The following PLPPR3 variants were observed in gnomAD, a reference collection of about 807,000 sequenced individuals.
PLPPR3 encodes phospholipid phosphatase-related protein type 3.
Under a neutral mutation model 27.3 loss-of-function variants are expected in PLPPR3, and 14 were observed. That is an observed-to-expected ratio of 0.51 (90% CI 0.34 to 0.80). The LOEUF is 0.80. PLPPR3 is among the 30% of genes least tolerant of loss of function. The pLI, the probability that PLPPR3 is intolerant of heterozygous loss-of-function variation, is 0.01. For missense variants in PLPPR3, 1,287 were observed against 1,056.9 expected, an observed-to-expected ratio of 1.22 and a Z score of -3.02; for synonymous variants, 671 against 508.0, an observed-to-expected ratio of 1.32 and a Z score of -4.32.
At position 813,119 on chromosome 19, in the gene PLPPR3, C is replaced by T. The variant is rs2034966888; in HGVS notation, c.1608G>A (p.Leu536=). 3.3e-6 allele frequency: 5 copies of T among 1,505,318 alleles called. No individual in the cohort carries two copies. Among genetic ancestry groups the T allele is most frequent in the Non-Finnish European group, 4.4e-6 (5 of 1,138,170 alleles). 93.2% of individuals were successfully genotyped at this position (1,505,318 alleles called of 1,614,324 possible). A position where few individuals can be genotyped will look rare whatever the true frequency, so the allele number is the denominator to read the frequency against. ...CCTTGGACATGGCGATGACCTGCAGCAGCCGCGGAGGGTTGGCCACTGCCG... is the reference window on the plus strand; with the variant it reads ...CCTTGGACATGGCGATGACCTGCAGTAGCCGCGGAGGGTTGGCCACTGCCG... ...SGAAVANPPR[L]LQVIAMSKAP... is the part of the protein sequence containing the mutation. Residue 536 remains leucine (L), a synonymous_variant, in exon 8 of 8, where the codon CTG becomes CTA. Transcript: ENST00000520876. The surrounding 1 kb of genome is among the most constrained non-coding windows in gnomAD (Gnocchi z 4.1).
In PLPPR3 at chr19:814,961, G is replaced by A. The variant is rs777402250; in HGVS notation, c.524C>T (p.Thr175Met). 14 of 1,612,412 alleles carry A rather than the reference G, an allele frequency of 8.7e-6. No individual in the cohort carries two copies. The East Asian group carries it at 1.1e-4, about 13-fold the overall frequency. Reference protein sequence around the residue: ...VCKPNYTLLGTSCEVNPYITQ... With the variant: ...VCKPNYTLLGMSCEVNPYITQ... ...GATGTAGGGGTTGACCTCGCAGGAC[G>A]TGCCCAGGAGAGTGTAGTTGGGCTT... The change falls in exon 5 of 8, where the codon ACG (threonine) becomes ATG (methionine). Residue 175 changes from threonine (T) to methionine (M), a missense_variant. Thr to Met is a moderately conservative substitution (Grantham distance 81). Coordinates refer to ENST00000520876, the MANE Select transcript of PLPPR3 (RefSeq NM_001270366.2).
In PLPPR3 at chr19:813,841, G is replaced by A. The variant is rs351993; in HGVS notation, c.886C>T (p.Pro296Ser). The change falls in exon 8 of 8, where the codon CCG becomes TCG. Residue 296 changes from proline (P) to serine (S), a missense_variant. Transcript: ENST00000520876. The surrounding 1 kb of genome is among the most constrained non-coding windows in gnomAD (Gnocchi z 4.1). ...CGCAGCGCGTCCTTGGCGGGGGCCG[G>A]GGCCGCGGGCTTCTCTGCAGGTGGG... ...QAPPAEKPAA[P>S]APAKDALRAL... is the part of the protein sequence containing the mutation. The A allele has an allele frequency of 0.017, 25,040 of 1,470,800 alleles. 3,522 individuals are homozygous for A. The African/African-American group carries it at 0.31, about 18-fold the overall frequency. 91.1% of individuals were successfully genotyped at this position (1,470,800 alleles called of 1,614,324 possible).
At chr19:818,734 C>T (rs2035101172) in intron 2 of PLPPR3, among the ~76,000 whole-genome samples, 1 of 151,966 alleles carries the variant, frequency 6.6e-6, no homozygotes, top group South Asian at 2.1e-4. Context: ...GGGGTTTCAC[C>T]GTGTTAGCCA....
chr19:819,079 C>T (rs1236366373), intron 2 of PLPPR3, among the ~76,000 whole-genome samples: 1 of 108,882 alleles, frequency 9.2e-6, no homozygotes, highest in East Asian at 2.4e-4. Flanking sequence ...CGTCCTCAAG[C>T]GATTCTCCCA....
rs766248907 is a variant in PLPPR3, at chr19:813,029, G to C, written c.1698C>G (p.Ser566=). The change falls in exon 8 of 8, where the codon TCC becomes TCG. Residue 566 remains serine (S), a synonymous_variant. Coordinates refer to ENST00000520876, the MANE Select transcript of PLPPR3 (RefSeq NM_001270366.2). The surrounding 1 kb of genome is among the most constrained non-coding windows in gnomAD (Gnocchi z 4.1). ...TASSSSASSD[S]SQYRSPSDRD... ...GGTCCGACGGCGACCGGTACTGCGA[G>C]GAGTCGGAGCTGGCGCTGGACGACG... The C allele has an allele frequency of 5.3e-6, 8 of 1,519,782 alleles. No individual in the cohort carries two copies. The highest frequency in any genetic ancestry group is 7.0e-6 in the Non-Finnish European group (8 of 1,141,894). 94.1% of individuals were successfully genotyped at this position (1,519,782 alleles called of 1,614,324 possible). A position where few individuals can be genotyped will look rare whatever the true frequency, so the allele number is the denominator to read the frequency against.
rs1399485806 is a variant in PLPPR3, at chr19:821,945, G to C, written c.-57C>G. The C allele has an allele frequency of 6.2e-6, 1 of 160,634 alleles. No individual in the cohort carries two copies. The highest frequency in any genetic ancestry group is 1.3e-5 in the Non-Finnish European group (1 of 74,100). The allele number at this position is 160,634 out of a possible 1,614,324, so 10.0% of individuals were successfully genotyped here. On this transcript the variant is annotated 5_prime_UTR_variant, in exon 1 of 8. Transcript: ENST00000520876. ...GCGGCCGGCGCCCAGCACAAAGCGC[G>C]TCTCCTCCGTGGGGCGGGGCCGGGA...
chr19:816,015 G>A (rs2035047076), intron 2 of PLPPR3, among the ~76,000 whole-genome samples, 164 bp from the exon 3 acceptor site: 1 of 151,632 alleles, frequency 6.6e-6, no homozygotes, highest in African/African-American at 2.4e-5. Flanking sequence ...ATCCACAGAT[G>A]CTCCATCTGT....
Position 812,880 on chromosome 19 carries a change from T to G in PLPPR3, c.1847A>C (p.Asp616Ala), listed in dbSNP as rs1471952825. The G allele has an allele frequency of 5.8e-6, 7 of 1,211,844 alleles. No individual in the cohort carries two copies. Among genetic ancestry groups the G allele is most frequent in the Non-Finnish European group, 7.2e-6 (7 of 969,774 alleles). The allele number at this position is 1,211,844 out of a possible 1,614,324, so 75.1% of individuals were successfully genotyped here. The change falls in exon 8 of 8, where the codon GAC (aspartate) becomes GCC (alanine). Residue 616 changes from aspartate (D) to alanine (A), a missense_variant. Physicochemically the swap from Asp to Ala is moderately radical, Grantham distance 126. Transcript: ENST00000520876. ...CAGGTCCCCCAGCTCGTAGCCGCCG[T>G]CGGCCTCCGCCTTGGCCCCGCCGCC... ...AAGGGAKAEADGGYELGDLAR... is the reference protein window; with the variant it reads ...AAGGGAKAEAAGGYELGDLAR...
In PLPPR3 at chr19:812,812, G is replaced by A; in HGVS notation, c.1915C>T (p.Pro639Ser). 1 of 1,098,822 alleles carries A rather than the reference G, an allele frequency of 9.1e-7. No homozygotes were observed. The highest frequency in any genetic ancestry group is 3.8e-5 in the South Asian group (1 of 26,342). 68.1% of individuals were successfully genotyped at this position (1,098,822 alleles called of 1,614,324 possible). A position where few individuals can be genotyped will look rare whatever the true frequency, so the allele number is the denominator to read the frequency against. The change falls in exon 8 of 8, where the codon CCC becomes TCC. Residue 639 changes from proline to serine, a missense_variant. Pro to Ser is a moderately conservative substitution (Grantham distance 74, BLOSUM62 -1). Transcript: ENST00000520876. Reference sequence around the variant, plus strand: ...TCCACGTCGCTGACCGACGAGCCGGGGGACACGCCCGGGGGCTTGGCCCCG... The same window carrying A: ...TCCACGTCGCTGACCGACGAGCCGGAGGACACGCCCGGGGGCTTGGCCCCG... ...RGGAKPPGVS[P>S]GSSVSDVDQE... is the part of the protein sequence containing the mutation.
Position 821,541 on chromosome 19 carries a change from T to C in PLPPR3, c.19A>G (p.Lys7Glu). Residue 7 changes from lysine (K) to glutamate (E), a missense_variant, in exon 2 of 8, where the codon AAG becomes GAG. Lys to Glu is a moderately conservative substitution (Grantham distance 56). Coordinates refer to ENST00000520876, the MANE Select transcript of PLPPR3 (RefSeq NM_001270366.2). MISTKE[K>E]NKIPKDSMTL... ...ATGCTGTCCTTCGGGATCTTGTTCT[T>C]CTCCTTGGTGGAGATCATGGTGCCG... 4 of 1,506,414 alleles carry C rather than the reference T, an allele frequency of 2.7e-6. No individual in the cohort carries two copies. In the South Asian group the frequency reaches 3.8e-5, roughly 14 times the overall value. 93.3% of individuals were successfully genotyped at this position (1,506,414 alleles called of 1,614,324 possible).
rs989491159 is a variant in PLPPR3 at position 815,534 on chromosome 19, C to T, written c.261+132G>A. On this transcript the variant is annotated intron_variant, in intron 3 of 7. Coordinates refer to ENST00000520876, the MANE Select transcript of PLPPR3 (RefSeq NM_001270366.2). ...ACCGAGGTGGCAGTGGCTGCGGTGC[C>T]CACAGGCTGGCACAGGCCCCGGTGT... 4 of 1,159,164 alleles carry T rather than the reference C, an allele frequency of 3.5e-6. No individual in the cohort carries two copies. In the African/African-American group the frequency reaches 6.0e-5, roughly 18 times the overall value. 71.8% of individuals were successfully genotyped at this position (1,159,164 alleles called of 1,614,324 possible). A position where few individuals can be genotyped will look rare whatever the true frequency, so the allele number is the denominator to read the frequency against.
upstream of PLPPR3, among the ~76,000 whole-genome samples, chr19:823,543 G>A (rs1416081240): frequency 2.6e-5 from 4 of 152,172 alleles, no homozygotes; most frequent in African/African-American, 4.8e-5. Flanking sequence ...CCGGGAAGAG[G>A]GTCGCCTGCC....
Position 815,271 on chromosome 19 carries a change from G to C in PLPPR3, c.318C>G (p.Ala106=). ...TGCCCTCCGCCCCGGCGGGCCCCCC[G>C]GCACGGCCCCACAGCCGGGACTGCA... ...YCLQSRLWGR[A]GGPAGAEGSI... Residue 106 remains alanine, a synonymous_variant, in exon 4 of 8, where the codon GCC becomes GCG. Coordinates refer to ENST00000520876, the MANE Select transcript of PLPPR3 (RefSeq NM_001270366.2). 4.5e-6 allele frequency: 7 copies of C among 1,559,086 alleles called. No individual in the cohort carries two copies. Among genetic ancestry groups the C allele is most frequent in the Non-Finnish European group, 6.1e-6 (7 of 1,154,236 alleles).
In PLPPR3 at chr19:813,066, G is replaced by A; in HGVS notation, c.1661C>T (p.Ala554Val). The A allele has an allele frequency of 4.7e-6, 7 of 1,501,844 alleles. No individual in the cohort carries two copies. The highest frequency in any genetic ancestry group is 2.2e-5 in the Admixed American group (1 of 44,508). The allele number at this position is 1,501,844 out of a possible 1,614,324, so 93.0% of individuals were successfully genotyped here. A position where few individuals can be genotyped will look rare whatever the true frequency, so the allele number is the denominator to read the frequency against. The part of the protein sequence containing the change: ...KAPGAPGPKA[A>V]ETASSSSASS... ...GGCGCTGGACGACGACGCCGTCTCG[G>A]CCGCCTTGGGGCCCGGCGCGCCCGG... The change falls in exon 8 of 8, where the codon GCC becomes GTC. Residue 554 changes from alanine to valine, a missense_variant. Physicochemically the swap from Ala to Val is moderately conservative, Grantham distance 64 (BLOSUM62 0). Transcript: ENST00000520876. The surrounding 1 kb of genome is among the most constrained non-coding windows in gnomAD (Gnocchi z 4.1).
upstream of PLPPR3, among the ~76,000 whole-genome samples, chr19:823,223 C>G (rs1259830142): frequency 6.6e-6 from 1 of 151,934 alleles, no homozygotes; most frequent in Admixed American, 6.6e-5. Flanking sequence ...GGGAGGATCC[C>G]TTGAGGCCAG....
Position 821,579 on chromosome 19 carries a change from G to T in PLPPR3, c.-20C>A. The T allele has an allele frequency of 6.8e-7, 1 of 1,471,138 alleles. No individual in the cohort carries two copies. The highest frequency in any genetic ancestry group is 9.1e-7 in the Non-Finnish European group (1 of 1,102,802). The allele number at this position is 1,471,138 out of a possible 1,614,324, so 91.1% of individuals were successfully genotyped here. ...GATCATGGTGCCGCGGGCGCCGCAG[G>T]CCGTGGCTGGAGGGGAGAAAGCGGC... On this transcript the variant is annotated 5_prime_UTR_variant, in exon 2 of 8. Transcript: ENST00000520876.
chr19:821,376 A>AG (rs2035142151), intron 2 of PLPPR3, 109 bp downstream of exon 2: 7 of 869,858 alleles, frequency 8.0e-6, no homozygotes, highest in Non-Finnish European at 9.8e-6. Context: ...CCCCGCCCCG[A>AG]GGCCACTGCC....
At chr19:818,572 C>T (rs1254369253) in intron 2 of PLPPR3, among the ~76,000 whole-genome samples, 4 of 151,764 alleles carry the variant, frequency 2.6e-5, no homozygotes, top group African/African-American at 4.8e-5. Context: ...CTCGCTCTGT[C>T]GCCCAGGCTG....
intron 3 of PLPPR3, among the ~76,000 whole-genome samples, 163 bp downstream of exon 3, chr19:815,503 A>C (rs1438982749): frequency 7.1e-6 from 1 of 139,922 alleles, no homozygotes; most frequent in Non-Finnish European, 1.5e-5. Flanking sequence ...CCCGGTGTGG[A>C]TGTTCACCGA....
Sources: gnomAD v4.1 joint callset for allele counts (sites outside exome capture counted in the v4.1 genomes callset) on GRCh38, gnomAD v4.1.1 for gene constraint, Gnocchi (gnomAD v3.1) non-coding constraint, MANE v1.5 for transcripts, NCBI Gene and HGNC (gene_info 2026-07-23, HGNC 2026-07-21) for gene names.